PTPN20: variants seen among roughly 807,000 people sequenced by gnomAD.
PTPN20 encodes the protein tyrosine-protein phosphatase non-receptor type 20.
A neutral mutation model predicts 35.0 loss-of-function variants in PTPN20; 9 were observed. That is an observed-to-expected ratio of 0.26 (90% CI 0.15 to 0.45). PTPN20 has a LOEUF of 0.45. Among genes scored for constraint, PTPN20 ranks in the 20% least tolerant of loss-of-function variants. The probability of loss-of-function intolerance (pLI) is 1.00; values close to 1 mark genes in which losing one functional copy is unlikely to be tolerated. For missense variants in PTPN20, 111 were observed against 312.5 expected (o/e 0.36, Z 4.86); for synonymous variants, 32 against 100.2 (o/e 0.32, Z 4.06).
intron 5 of PTPN20, among the ~76,000 whole-genome samples, chr10:46,948,670 AG>A (rs2045745424): frequency 1.3e-5 from 2 of 151,946 alleles, no homozygotes; most frequent in South Asian, 2.1e-4. Flanking sequence ...CCTCAGCTTT[AG>A]GCCTCCCCTG....
intron 1 of PTPN20, among the ~76,000 whole-genome samples, chr10:46,929,980 G>T (rs2039029975): frequency 7.0e-6 from 1 of 143,856 alleles, no homozygotes; most frequent in Non-Finnish European, 1.5e-5. Context: ...TTTTAATATT[G>T]CTTTGTTTTG....
intron 9 of PTPN20, among the ~76,000 whole-genome samples, chr10:46,992,312 G>A (rs2058136267): frequency 6.6e-6 from 1 of 151,758 alleles, no homozygotes; most frequent in East Asian, 1.9e-4. Flanking sequence ...TAGTAGAGAT[G>A]GGGTTTCACC....
At chr10:46,977,004 A>G (rs2053882401) in intron 7 of PTPN20, among the ~76,000 whole-genome samples, 1 of 152,158 alleles carries the variant, frequency 6.6e-6, no homozygotes, top group African/African-American at 2.4e-5. Context: ...CTAGGCTATG[A>G]TACTCAGCTA....
intron 10 of PTPN20, 122 bp from the exon 11 acceptor site, chr10:47,000,554 T>G: frequency 1.8e-6 from 2 of 1,102,952 alleles, no homozygotes; most frequent in Non-Finnish European, 2.7e-6. Flanking sequence ...TGTTTATAGT[T>G]AAATGTTTGC....
At chr10:46,979,904 C>A (rs2054806161) in intron 7 of PTPN20, among the ~76,000 whole-genome samples, 1 of 149,964 alleles carries the variant, frequency 6.7e-6, no homozygotes, top group African/African-American at 2.4e-5. Context: ...AACTCTTCAG[C>A]CCTATGTTGT....
chr10:46,994,691 A>G lies in PTPN20; in HGVS notation c.1135-5221A>G, dbSNP rs1366953858. The stretch of plus-strand genomic sequence containing the variant: ...TTGCATTTTGGAAAGTTTTGTTATT[A>G]TTTCTTTGAATAAGCTTCCTACCCC... On this transcript the variant is annotated intron_variant, in intron 9 of 10. Transcript: ENST00000374339. 2.2e-4 allele frequency among the ~76,000 whole-genome samples: 33 copies of G among 151,932 alleles called. 1 individual carries two copies. The highest frequency in any genetic ancestry group is 2.2e-3 in the Admixed American group (33 of 15,256).
At chr10:46,940,575 T>G (rs2043148036) in intron 2 of PTPN20, 48 bp from the exon 3 acceptor site, 1 of 1,528,770 alleles carries the variant, frequency 6.5e-7, no homozygotes, top group African/African-American at 1.4e-5. Context: ...TTTTTCCTTC[T>G]GTATAGTGTT....
At chr10:46,953,625 T>C (rs1383740086) in intron 5 of PTPN20, among the ~76,000 whole-genome samples, 2 of 135,652 alleles carry the variant, frequency 1.5e-5, no homozygotes, top group African/African-American at 3.3e-5. Context: ...AATGGACTCT[T>C]ACTTTTGTTA....
Position 47,000,847 on chromosome 10 carries a change from G to A in PTPN20, c.*106G>A. 7.3e-7 allele frequency: 1 copy of A among 1,372,498 alleles called. No homozygotes were observed. 85.0% of individuals were successfully genotyped at this position (1,372,498 alleles called of 1,614,324 possible). The stretch of plus-strand genomic sequence containing the variant: ...AAGGGCTTTGCTATGCATACAATCT[G>A]CTTTCTTGGTTTATCAGTTTATTTT... On this transcript the variant is annotated 3_prime_UTR_variant, in exon 11 of 11. Transcript: ENST00000374339.
At chr10:46,998,750 A>G (rs1293977719) in intron 9 of PTPN20, among the ~76,000 whole-genome samples, 1 of 152,218 alleles carries the variant, frequency 6.6e-6, no homozygotes, top group East Asian at 1.9e-4. Context: ...GTTAAACAAG[A>G]TGACACCATC....
intron 2 of PTPN20, among the ~76,000 whole-genome samples, chr10:46,936,580 G>A (rs1465822632): frequency 2.6e-5 from 4 of 151,250 alleles, no homozygotes; most frequent in African/African-American, 7.3e-5. Context: ...CATTCTAGAC[G>A]CCATTAAGAA....
chr10:46,955,726 AG>A (rs1166900337), intron 5 of PTPN20, among the ~76,000 whole-genome samples: 1 of 67,674 alleles, frequency 1.5e-5, no homozygotes, highest in Non-Finnish European at 2.7e-5. Context: ...CCATAACCCC[AG>A]TCTTAATCAT....
chr10:46,960,587 G>T (rs1555157228), intron 5 of PTPN20, among the ~76,000 whole-genome samples: 1 of 151,332 alleles, frequency 6.6e-6, no homozygotes. Flanking sequence ...TTCACACATT[G>T]ATTATCACTA....
At chr10:46,949,312 C>T (rs1466508208) in intron 5 of PTPN20, among the ~76,000 whole-genome samples, 13,880 of 150,276 alleles carry the variant, frequency 0.092, 526 homozygotes, top group East Asian at 0.41. Flanking sequence ...TGTGGCTTTA[C>T]GCTGTTCTGT....
intron 1 of PTPN20, among the ~76,000 whole-genome samples, chr10:46,923,693 A>C (rs1489110862): frequency 5.9e-5 from 9 of 151,290 alleles, no homozygotes; most frequent in East Asian, 1.9e-4. Flanking sequence ...GTTTTCATAT[A>C]GACTTCAGAA....
intron 2 of PTPN20, 148 bp downstream of exon 2, chr10:46,932,681 A>T: frequency 7.1e-7 from 1 of 1,406,178 alleles, no homozygotes; most frequent in Non-Finnish European, 1.0e-6. Context: ...GGTGGGGGGC[A>T]AGACTCTGCA....
At chr10:47,000,038 C>T (rs998275816) in intron 10 of PTPN20, 64 bp downstream of exon 10, 116,992 of 1,597,642 alleles carry the variant, frequency 0.073, 6,266 homozygotes, top group African/African-American at 0.29. Flanking sequence ...TTGCATAACA[C>T]TTTACCACTT....
chr10:46,999,951 C>A lies in PTPN20; in HGVS notation c.1174C>A (p.Arg392Ser), dbSNP rs1187850829. ...MDIVAQMREQ[R>S]SGMVQTKEQY... ...TATAGTGGCCCAAATGAGAGAACAA[C>A]GTTCTGGCATGGTTCAAACGAAGGT... is the stretch of plus-strand genomic sequence containing the variant. Residue 392 changes from arginine (R) to serine (S), a missense_variant, in exon 10 of 11, where the codon CGT becomes AGT. This residue lies in a region of PTPN20 where 61 missense variants were observed against 54.3 expected (regional missense o/e 1.12). Coordinates refer to ENST00000374339, the MANE Select transcript of PTPN20 (RefSeq NM_001042357.5). 4 of 1,613,602 alleles carry A rather than the reference C, an allele frequency of 2.5e-6. No homozygotes were observed. In the African/African-American group the frequency reaches 5.3e-5, roughly 22 times the overall value.
intron 9 of PTPN20, 145 bp from the exon 10 acceptor site, chr10:46,999,767 A>G: frequency 1.1e-6 from 1 of 940,852 alleles, no homozygotes; most frequent in Non-Finnish European, 1.7e-6. Flanking sequence ...CCATTGGGCT[A>G]AGTTAAAAAT....
Sources: gnomAD v4.1 joint callset for allele counts (sites outside exome capture counted in the v4.1 genomes callset) on GRCh38, gnomAD v4.1.1 for gene constraint, gnomAD v4.1.1 regional missense constraint, MANE v1.5 for transcripts, NCBI Gene and HGNC (gene_info 2026-07-23, HGNC 2026-07-21) for gene names.